TP63: variants seen among roughly 807,000 people sequenced by gnomAD.
The protein encoded by TP63 is tumor protein 63.
In TP63, 17 loss-of-function variants were observed where a neutral mutation model predicts 82.8. The ratio of observed to expected loss-of-function variants is 0.21; its 90% CI spans 0.14 to 0.31. The LOEUF (loss-of-function observed/expected upper bound fraction) is 0.31. Ranked by LOEUF, TP63 falls within the 10% of genes least tolerant of loss-of-function variation. The pLI is 1.00. For synonymous variants in TP63, 330 were observed against 321.7 expected, an observed-to-expected ratio of 1.03 and a Z score of -0.28; for missense variants, 648 against 895.3, an observed-to-expected ratio of 0.72 and a Z score of 3.52.
chr3:189,693,812 A>T (rs915254565), intron 1 of TP63, among the ~76,000 whole-genome samples: 1 of 152,162 alleles, frequency 6.6e-6, no homozygotes, highest in African/African-American at 2.4e-5. Context: ...TGGTGTTCTC[A>T]TTTCTAAAAT....
At chr3:189,859,816 A>C (rs1198216148) in intron 4 of TP63, among the ~76,000 whole-genome samples, 3 of 152,260 alleles carry the variant, frequency 2.0e-5, no homozygotes, top group Non-Finnish European at 4.4e-5. Flanking sequence ...CTATTCAAAA[A>C]TACAATGGAA....
chr3:189,858,478 A>G (rs1324354634), intron 4 of TP63, among the ~76,000 whole-genome samples: 1 of 152,172 alleles, frequency 6.6e-6, no homozygotes, highest in African/African-American at 2.4e-5. Context: ...TCAGAAAAAC[A>G]TAATGAAATC....
chr3:189,673,825 A>AT, intron 1 of TP63, among the ~76,000 whole-genome samples: 1 of 152,218 alleles, frequency 6.6e-6, no homozygotes, highest in East Asian at 1.9e-4. Flanking sequence ...CATAAAATTC[A>AT]TTTTCTGGAT....
intron 3 of TP63, among the ~76,000 whole-genome samples, chr3:189,760,621 T>C (rs62279914): frequency 0.34 from 52,279 of 152,022 alleles, 9,460 homozygotes; most frequent in East Asian, 0.42. Context: ...AGTGTGGTTT[T>C]TCCAGGCACA....
chr3:189,846,679 A>ATT (rs1470629073), intron 4 of TP63, among the ~76,000 whole-genome samples: 13 of 101,996 alleles, frequency 1.3e-4, no homozygotes, highest in African/African-American at 4.3e-4. Context: ...TGTTTTCCAC[A>ATT]TTCTTTTTTT....
intron 3 of TP63, among the ~76,000 whole-genome samples, chr3:189,760,029 G>A (rs1722455920): frequency 6.6e-6 from 1 of 152,130 alleles, no homozygotes; most frequent in South Asian, 2.1e-4. Context: ...CACAAAAACA[G>A]CACTGGAAAG....
At chr3:189,703,110 G>A (rs1422521942) in intron 1 of TP63, among the ~76,000 whole-genome samples, 2 of 152,152 alleles carry the variant, frequency 1.3e-5, no homozygotes, top group African/African-American at 4.8e-5. Flanking sequence ...CTGGGATCAG[G>A]GTTAACTACA....
intron 1 of TP63, among the ~76,000 whole-genome samples, chr3:189,654,635 G>A (rs1428857333): frequency 6.6e-6 from 1 of 152,008 alleles, no homozygotes; most frequent in African/African-American, 2.4e-5. Flanking sequence ...AGTTATAATG[G>A]CTTTTTACAA....
intron 3 of TP63, among the ~76,000 whole-genome samples, chr3:189,745,557 A>C (rs569909504): frequency 6.6e-6 from 1 of 151,942 alleles, no homozygotes; most frequent in East Asian, 1.9e-4. Flanking sequence ...AAATACAAAA[A>C]TTAGCTGGGC....
chr3:189,694,237 C>A (rs1039117823), intron 1 of TP63, among the ~76,000 whole-genome samples: 1 of 152,118 alleles, frequency 6.6e-6, no homozygotes, highest in South Asian at 2.1e-4. Flanking sequence ...AAGGAGTTTC[C>A]ACATAACCCA....
chr3:189,732,134 A>G (rs1435324613), intron 1 of TP63, among the ~76,000 whole-genome samples: 1 of 152,164 alleles, frequency 6.6e-6, no homozygotes, highest in Non-Finnish European at 1.5e-5. Flanking sequence ...TCATGGTGTT[A>G]AGGAGGTGTG....
At chr3:189,598,242 G>A in the TP63 span, among the ~76,000 whole-genome samples, 1 of 151,300 alleles carries the variant, frequency 6.6e-6, no homozygotes, top group Non-Finnish European at 1.5e-5. Context: ...GAGTAGAGAT[G>A]GAGAGGAGAG....
intron 1 of TP63, among the ~76,000 whole-genome samples, chr3:189,658,921 G>A (rs1008997822): frequency 3.3e-5 from 5 of 151,976 alleles, no homozygotes; most frequent in Non-Finnish European, 5.9e-5. Flanking sequence ...TTCATTAATT[G>A]TGACAAACGT....
At chr3:189,724,009 A>ATTTTTT (rs34805260) in intron 1 of TP63, among the ~76,000 whole-genome samples, 1 of 116,552 alleles carries the variant, frequency 8.6e-6, no homozygotes, top group Non-Finnish European at 1.8e-5. Context: ...CCTGGCTTTC[A>ATTTTTT]TTTTTTTTTT....
the TP63 span, among the ~76,000 whole-genome samples, chr3:189,603,581 A>G: frequency 0.44 from 64,040 of 146,842 alleles, 14,730 homozygotes; most frequent in East Asian, 0.68. Flanking sequence ...GAACTACCGG[A>G]CACCCCATGT....
chr3:189,868,855 GAAT>G, intron 8 of TP63, 139 bp downstream of exon 8: 1 of 1,344,458 alleles, frequency 7.4e-7, no homozygotes, highest in Non-Finnish European at 1.1e-6. Context: ...GAGCCAGTGA[GAAT>G]AGGTATAGCA....
At chr3:189,890,400 C>T (rs934461552) in intron 12 of TP63, among the ~76,000 whole-genome samples, 1 of 152,118 alleles carries the variant, frequency 6.6e-6, no homozygotes, top group African/African-American at 2.4e-5. Flanking sequence ...AGCCCAGATA[C>T]AAAACAAATA....
intron 3 of TP63, among the ~76,000 whole-genome samples, chr3:189,755,111 T>A (rs1174014024): frequency 6.6e-6 from 1 of 152,168 alleles, no homozygotes; most frequent in African/African-American, 2.4e-5. Flanking sequence ...TTTGTATAGA[T>A]AAACAGTGTT....
chr3:189,776,573 G>GT (rs1316028033), intron 3 of TP63, among the ~76,000 whole-genome samples: 1 of 152,176 alleles, frequency 6.6e-6, no homozygotes, highest in Non-Finnish European at 1.5e-5. Flanking sequence ...ACAAAAGCCA[G>GT]CCCCTGCTGG....
Sources: allele counts gnomAD v4.1 joint callset (sites outside exome capture counted in the v4.1 genomes callset), GRCh38; gene constraint gnomAD v4.1.1; transcripts MANE v1.5; gene names NCBI Gene and HGNC (gene_info 2026-07-23, HGNC 2026-07-21).